The following LRBA variants were observed in gnomAD, a reference collection of about 807,000 sequenced individuals.
The protein encoded by LRBA is lipopolysaccharide-responsive and beige-like anchor protein.
Under a neutral mutation model 330.0 loss-of-function variants are expected in LRBA, and 176 were observed. That is an observed-to-expected ratio of 0.53 (90% CI 0.47 to 0.60). LRBA has a LOEUF of 0.60. Among genes scored for constraint, LRBA ranks in the 20% least tolerant of loss-of-function variants. The probability of loss-of-function intolerance (pLI) is 0.00; values close to 1 mark genes in which losing one functional copy is unlikely to be tolerated. For synonymous variants in LRBA, 1,230 were observed against 1,193.0 expected (o/e 1.03, Z -0.64); for missense variants, 3,259 against 3,444.8 (o/e 0.95, Z 1.35).
At chr4:150,361,771 A>AC (rs1738727890) in intron 47 of LRBA, among the ~76,000 whole-genome samples, 1 of 110,534 alleles carries the variant, frequency 9.0e-6, no homozygotes, top group Non-Finnish European at 1.9e-5. Flanking sequence ...CCATCATACT[A>AC]CTTTTTTTTT....
At chr4:150,609,327 TTC>T (rs757926986) in intron 37 of LRBA, among the ~76,000 whole-genome samples, 55 of 152,180 alleles carry the variant, frequency 3.6e-4, no homozygotes, top group Non-Finnish European at 5.6e-4. Flanking sequence ...GAGACAAGAG[TTC>T]TTTCTTTTTC....
In LRBA at chr4:150,738,945, G is replaced by A. The variant is rs181405608; in HGVS notation, c.5646-3579C>T. On this transcript the variant is annotated intron_variant, in intron 35 of 56. Coordinates refer to ENST00000651943, the MANE Select transcript of LRBA (RefSeq NM_001364905.1). Reference sequence around the variant, plus strand: ...AACCTAAACATATCAGAAATACATAGAAAGTAAACATTTAGTAGTAAAATT... The same window carrying A: ...AACCTAAACATATCAGAAATACATAAAAAGTAAACATTTAGTAGTAAAATT... 3.2e-4 allele frequency among the ~76,000 whole-genome samples: 48 copies of A among 151,840 alleles called. 1 individual carries two copies. The East Asian group carries it at 5.6e-3, about 18-fold the overall frequency.
At chr4:150,595,668 G>A (rs938856415) in intron 38 of LRBA, among the ~76,000 whole-genome samples, 10 of 151,822 alleles carry the variant, frequency 6.6e-5, no homozygotes, top group Non-Finnish European at 1.5e-4. Context: ...ATTTAATAAT[G>A]AATTTTAGAG....
intron 2 of LRBA, among the ~76,000 whole-genome samples, chr4:150,967,480 T>C (rs1739033267): frequency 6.6e-6 from 1 of 152,240 alleles, no homozygotes; most frequent in Admixed American, 6.5e-5. Context: ...CAGATAAAAC[T>C]TGTCCATTGC....
chr4:150,409,498 T>C (rs1435566302), intron 47 of LRBA, among the ~76,000 whole-genome samples: 1 of 152,176 alleles, frequency 6.6e-6, no homozygotes, highest in Non-Finnish European at 1.5e-5. Flanking sequence ...CTGGGTTCTC[T>C]GTTCACTTTT....
Position 150,960,953 on chromosome 4 carries a change from A to G in LRBA, c.217-31888T>C, listed in dbSNP as rs1373846206. Among the ~76,000 whole-genome samples, 5 of 149,362 alleles carry G rather than the reference A, an allele frequency of 3.3e-5. No individual in the cohort carries two copies. In the East Asian group the frequency reaches 9.6e-4, roughly 29 times the overall value. The stretch of plus-strand genomic sequence containing the variant: ...CTTCTGATGCATAACTAACCTCCAT[A>G]TGTAAGTCACCTCAAAACAGTAACA... On this transcript the variant is annotated intron_variant, in intron 2 of 56. Coordinates refer to ENST00000651943, the MANE Select transcript of LRBA (RefSeq NM_001364905.1).
At chr4:150,407,642 T>G (rs1158989702) in intron 47 of LRBA, among the ~76,000 whole-genome samples, 2 of 152,138 alleles carry the variant, frequency 1.3e-5, no homozygotes, top group Non-Finnish European at 2.9e-5. Flanking sequence ...AAAACAAGTC[T>G]CAATACATTT....
intron 5 of LRBA, among the ~76,000 whole-genome samples, chr4:150,920,253 A>G (rs1733097050): frequency 6.6e-6 from 1 of 152,196 alleles, no homozygotes; most frequent in African/African-American, 2.4e-5. Context: ...TATCTTTTTT[A>G]AAAGTTTGTC....
At chr4:150,718,176 C>A (rs1443552653) in intron 36 of LRBA, among the ~76,000 whole-genome samples, 1 of 151,868 alleles carries the variant, frequency 6.6e-6, no homozygotes, top group African/African-American at 2.4e-5. Flanking sequence ...ATTCATGGAA[C>A]CTCTCTGTAA....
At chr4:150,283,225 C>T (rs997570338) in intron 54 of LRBA, among the ~76,000 whole-genome samples, 1 of 152,080 alleles carries the variant, frequency 6.6e-6, no homozygotes, top group South Asian at 2.1e-4. Context: ...AGGAACCCTT[C>T]GGCCACTTCT....
chr4:150,881,038 A>G (rs1229839398), intron 17 of LRBA, among the ~76,000 whole-genome samples: 1 of 152,222 alleles, frequency 6.6e-6, no homozygotes. Flanking sequence ...TCAAAAAACA[A>G]CTGATTCTGG....
At position 150,743,411 on chromosome 4, in the gene LRBA, A is replaced by T. The variant is rs569035378; in HGVS notation, c.5646-8045T>A. On this transcript the variant is annotated intron_variant, in intron 35 of 56. Transcript: ENST00000651943. ...TTAAAGAATCAAAATATACAATCATATAAGTAGATTGTTCCAAATTGACAA... is the reference window on the plus strand; with the variant it reads ...TTAAAGAATCAAAATATACAATCATTTAAGTAGATTGTTCCAAATTGACAA... 3.9e-5 allele frequency among the ~76,000 whole-genome samples: 6 copies of T among 152,366 alleles called. No individual in the cohort carries two copies. The South Asian group carries it at 1.0e-3, about 26-fold the overall frequency.
chr4:150,344,403 G>T (rs988265398), intron 48 of LRBA, among the ~76,000 whole-genome samples: 1 of 151,990 alleles, frequency 6.6e-6, no homozygotes, highest in Non-Finnish European at 1.5e-5. Context: ...TACTTTCTAA[G>T]CTATTTCTCT....
intron 40 of LRBA, among the ~76,000 whole-genome samples, chr4:150,577,777 C>A (rs944965648): frequency 6.6e-6 from 1 of 152,028 alleles, no homozygotes; most frequent in Non-Finnish European, 1.5e-5. Flanking sequence ...GTAACAAATG[C>A]ACTGACGTTA....
intron 47 of LRBA, among the ~76,000 whole-genome samples, chr4:150,356,276 T>C (rs529319045): frequency 5.3e-4 from 80 of 152,206 alleles, no homozygotes; most frequent in African/African-American, 1.7e-3. Context: ...GTTTAGCCTG[T>C]TCAAACAAAG....
chr4:150,373,170 T>TGAGAGA (rs1222034309), intron 47 of LRBA, among the ~76,000 whole-genome samples: 7 of 111,488 alleles, frequency 6.3e-5, no homozygotes, highest in African/African-American at 2.4e-4. Context: ...TGTGTGTGTG[T>TGAGAGA]GTGAGAGAGA....
At chr4:150,836,073 C>T (rs1365688895) in intron 28 of LRBA, among the ~76,000 whole-genome samples, 8 of 152,142 alleles carry the variant, frequency 5.3e-5, no homozygotes, top group East Asian at 1.9e-4. Context: ...TAGTTTTTGT[C>T]GTTGGTTCTG....
chr4:150,648,931 C>G (rs957594719), intron 37 of LRBA, among the ~76,000 whole-genome samples: 3 of 152,102 alleles, frequency 2.0e-5, no homozygotes, highest in Admixed American at 2.0e-4. Flanking sequence ...CACTCATTCC[C>G]TAAACCTTTA....
intron 30 of LRBA, among the ~76,000 whole-genome samples, chr4:150,827,829 TGACCTCA>T (rs947202150): frequency 8.6e-5 from 13 of 151,996 alleles, no homozygotes; most frequent in African/African-American, 3.1e-4. Flanking sequence ...CTCGAACTCC[TGACCTCA>T]GGTGATCCAC....
Sources: gnomAD v4.1 joint callset for allele counts (sites outside exome capture counted in the v4.1 genomes callset) on GRCh38, gnomAD v4.1.1 for gene constraint, MANE v1.5 for transcripts, NCBI Gene and HGNC (gene_info 2026-07-23, HGNC 2026-07-21) for gene names.